The following CDH2 variants were observed in gnomAD, a reference collection of about 807,000 sequenced individuals.
CDH2 encodes the protein cadherin 2, also known as cadherin-2.
In CDH2, 17 loss-of-function variants were observed where a neutral mutation model predicts 92.0. The ratio of observed to expected loss-of-function variants is 0.18; its 90% CI spans 0.13 to 0.28. The LOEUF (loss-of-function observed/expected upper bound fraction) is 0.28. Ranked by LOEUF, CDH2 falls within the 10% of genes least tolerant of loss-of-function variation. The pLI, the probability that CDH2 is intolerant of heterozygous loss-of-function variation, is 1.00. For synonymous variants in CDH2, 419 were observed against 415.9 expected (o/e 1.01, Z -0.09); for missense variants, 862 against 1,133.1 (o/e 0.76, Z 3.44).
chr18:28,129,828 A>T (rs1357369320), intron 2 of CDH2, among the ~76,000 whole-genome samples: 2 of 152,322 alleles, frequency 1.3e-5, no homozygotes, highest in East Asian at 3.9e-4. Context: ...ATTAAATTTT[A>T]AAAAACTAAA....
chr18:28,127,337 G>T (rs1193518807), intron 2 of CDH2, among the ~76,000 whole-genome samples: 1 of 152,140 alleles, frequency 6.6e-6, no homozygotes, highest in South Asian at 2.1e-4. Flanking sequence ...ACTTCTGAGT[G>T]GCTTGGGAAT....
chr18:28,010,391 C>T (rs1693158629), intron 4 of CDH2, among the ~76,000 whole-genome samples: 1 of 152,176 alleles, frequency 6.6e-6, no homozygotes, highest in South Asian at 2.1e-4. Context: ...CGCACCAAAG[C>T]TTTCCGTATC....
downstream of CDH2, among the ~76,000 whole-genome samples, chr18:27,948,434 C>G (rs1015019457): frequency 7.9e-5 from 12 of 151,696 alleles, no homozygotes; most frequent in African/African-American, 2.4e-4. Flanking sequence ...GGGAACAATA[C>G]AGAATAATCA....
chr18:28,108,510 C>G (rs942264705), intron 2 of CDH2, among the ~76,000 whole-genome samples: 1 of 152,158 alleles, frequency 6.6e-6, no homozygotes, highest in Admixed American at 6.6e-5. Context: ...CACTGGGGCT[C>G]AGCTTTTAAT....
At chr18:28,146,636 G>A (rs549767621) in intron 2 of CDH2, 6 of 152,148 alleles carry the variant, frequency 3.9e-5, no homozygotes, top group Admixed American at 6.6e-5. Context: ...ACCCAAGAAC[G>A]ATAGTAGCTA....
rs150106223 is a variant in CDH2, at chr18:28,020,543, A to G, written c.173-6634T>C. Among the ~76,000 whole-genome samples, 87 of 152,116 alleles carry G rather than the reference A, an allele frequency of 5.7e-4. 1 individual carries two copies. The East Asian group carries it at 0.014, about 24-fold the overall frequency. On this transcript the variant is annotated intron_variant, in intron 2 of 15. Coordinates refer to ENST00000269141, the MANE Select transcript of CDH2 (RefSeq NM_001792.5). ...GCCAACCTATTTCTGTTATTAAAAC[A>G]TTTTCCTTATGAATGGCAGGTACAG...
intron 2 of CDH2, among the ~76,000 whole-genome samples, chr18:28,017,786 T>C (rs924171209): frequency 2.0e-5 from 3 of 152,120 alleles, no homozygotes; most frequent in Non-Finnish European, 2.9e-5. Flanking sequence ...AAGCCATCTA[T>C]GACAAACCCA....
At chr18:28,136,796 A>G (rs886897904) in intron 2 of CDH2, among the ~76,000 whole-genome samples, 4 of 152,162 alleles carry the variant, frequency 2.6e-5, no homozygotes, top group African/African-American at 9.7e-5. Flanking sequence ...CTAAGACCAA[A>G]TATCTAAGTA....
At chr18:28,150,868 A>ATC (rs1385070710) in intron 1 of CDH2, among the ~76,000 whole-genome samples, 19 of 152,202 alleles carry the variant, frequency 1.2e-4, no homozygotes, top group African/African-American at 4.6e-4. Flanking sequence ...CTTAAAAACA[A>ATC]TCTCCATAAA....
At chr18:28,003,628 G>A (rs1054001190) in intron 6 of CDH2, among the ~76,000 whole-genome samples, 3 of 152,146 alleles carry the variant, frequency 2.0e-5, no homozygotes, top group East Asian at 1.9e-4. Context: ...GTCACTTTCC[G>A]AATGTAGGCT....
chr18:27,960,613 A>G lies in CDH2; in HGVS notation c.2514+2744T>C, dbSNP rs189608266. 2.7e-3 allele frequency among the ~76,000 whole-genome samples: 405 copies of G among 152,340 alleles called. 2 individuals carry two copies. Among genetic ancestry groups the G allele is most frequent in the African/African-American group, 8.2e-3 (343 of 41,582 alleles). On this transcript the variant is annotated intron_variant, in intron 15 of 15. Transcript: ENST00000269141. ...AGCAACAAAGTAGGGTATACACACA[A>G]AGAGAATCGATGTCTAATTTATGCT...
rs552795536 is a variant in CDH2 at position 28,132,176 on chromosome 18, T to C, written c.172+15497A>G. 1.1e-4 allele frequency among the ~76,000 whole-genome samples: 16 copies of C among 152,324 alleles called. No homozygotes were observed. In the South Asian group the frequency reaches 2.1e-3, roughly 20 times the overall value. On this transcript the variant is annotated intron_variant, in intron 2 of 15. Coordinates refer to ENST00000269141, the MANE Select transcript of CDH2 (RefSeq NM_001792.5). ...TCCCCCAAAGTTATGCAGTCTGCGC[T>C]CACATCCTTGCTGAGACCTTCAGTG...
At chr18:28,030,137 CATTATT>C (rs1218354295) in intron 2 of CDH2, among the ~76,000 whole-genome samples, 6 of 151,922 alleles carry the variant, frequency 3.9e-5, no homozygotes, top group African/African-American at 1.5e-4. Flanking sequence ...AAAGCCCTGG[CATTATT>C]AATGTTTCAA....
chr18:27,962,451 A>T (rs758521441), intron 15 of CDH2, among the ~76,000 whole-genome samples: 5 of 152,198 alleles, frequency 3.3e-5, no homozygotes, highest in Non-Finnish European at 7.3e-5. Context: ...TTAATATTAT[A>T]TGAATTTTGA....
rs375189738 is a variant in CDH2 at position 27,992,853 on chromosome 18, C to T, written c.1159-13G>A. 2.8e-5 allele frequency: 45 copies of T among 1,608,530 alleles called. No individual in the cohort carries two copies. Among genetic ancestry groups the T allele is most frequent in the African/African-American group, 9.4e-5 (7 of 74,838 alleles). On this transcript the variant is annotated splice_polypyrimidine_tract_variant and intron_variant, in intron 8 of 15. Transcript: ENST00000269141. ...CTTCACCATAAAACTGCGAGAAAGA[C>T]AAACCTCAGTCAGAGGAGGGGCATG... is the stretch of plus-strand genomic sequence containing the variant.
Position 28,013,748 on chromosome 18 carries a change from G to A in CDH2, c.334C>T (p.Gln112Ter). The change falls in exon 3 of 16, where the codon CAG (glutamine) becomes TAG (stop). Residue 112 changes from glutamine (Q) to a stop codon, truncating the protein, a stop_gained. Coordinates refer to ENST00000269141, the MANE Select transcript of CDH2 (RefSeq NM_001792.5). LOFTEE classifies it high-confidence loss of function. ...TTTACTGCCACTTGCCACTTTTCCTGGGTCTCTTTGTCTTGGGCATATATC... is the reference window on the plus strand; with the variant it reads ...TTTACTGCCACTTGCCACTTTTCCTAGGTCTCTTTGTCTTGGGCATATATC... ...FLIYAQDKET[Q>*]EKWQVAVKLS... The A allele has an allele frequency of 6.2e-7, 1 of 1,613,932 alleles. No individual in the cohort carries two copies. Among genetic ancestry groups the A allele is most frequent in the Non-Finnish European group, 8.5e-7 (1 of 1,179,942 alleles).
chr18:27,955,842 A>G (rs1853759514), intron 15 of CDH2, among the ~76,000 whole-genome samples: 1 of 144,690 alleles, frequency 6.9e-6, no homozygotes, highest in African/African-American at 2.6e-5. Context: ...AGAGCACGGC[A>G]CATTGCCTTA....
intron 2 of CDH2, among the ~76,000 whole-genome samples, chr18:28,094,383 G>C (rs182288240): frequency 6.6e-6 from 1 of 152,086 alleles, no homozygotes; most frequent in Non-Finnish European, 1.5e-5. Flanking sequence ...AGCTACTACA[G>C]AGGCTGAGGC....
rs1567964420 is a variant in CDH2 at position 28,013,920 on chromosome 18, TAAGA to T, written c.173-15_173-12del. Reference sequence around the variant, plus strand: ...AGTTGCTAAACTTCACTGTAAAAGATAAGAAATAGGTCAGTTATTATAATTATAC... The same window carrying T: ...AGTTGCTAAACTTCACTGTAAAAGATAATAGGTCAGTTATTATAATTATAC... On this transcript the variant is annotated splice_polypyrimidine_tract_variant and intron_variant, in intron 2 of 15. Coordinates refer to ENST00000269141, the MANE Select transcript of CDH2 (RefSeq NM_001792.5). 1.3e-6 allele frequency: 2 copies of T among 1,594,960 alleles called. No individual in the cohort carries two copies. The highest frequency in any genetic ancestry group is 2.2e-5 in the South Asian group (2 of 90,646).
Sources: gnomAD v4.1 joint callset for allele counts (sites outside exome capture counted in the v4.1 genomes callset) on GRCh38, gnomAD v4.1.1 for gene constraint, MANE v1.5 for transcripts, NCBI Gene and HGNC (gene_info 2026-07-23, HGNC 2026-07-21) for gene names.